Variants in TENM4 observed in about 807,000 individuals in gnomAD.
The protein encoded by TENM4 is teneurin transmembrane protein 4, also known as teneurin-4.
TENM4 carries 82 observed loss-of-function variants against 243.3 expected under a neutral mutation model. The observed-to-expected ratio is 0.34, with a 90% CI of 0.28 to 0.40. TENM4 has a LOEUF of 0.40. Ranked by LOEUF, TENM4 falls within the 10% of genes least tolerant of loss-of-function variation. TENM4 has a pLI of 1.00. For synonymous variants in TENM4, 1,412 were observed against 1,456.3 expected, an observed-to-expected ratio of 0.97 and a Z score of 0.69; for missense variants, 3,138 against 3,673.3, an observed-to-expected ratio of 0.85 and a Z score of 3.77.
rs181604156 is a variant in TENM4 at position 78,977,882 on chromosome 11, C to T, written c.494-74359G>A. 3.2e-3 allele frequency among the ~76,000 whole-genome samples: 480 copies of T among 152,288 alleles called. 1 individual carries two copies. Among genetic ancestry groups the T allele is most frequent in the Non-Finnish European group, 4.8e-3 (325 of 68,028 alleles). On this transcript the variant is annotated intron_variant, in intron 6 of 33. Transcript: ENST00000278550. Reference sequence around the variant, plus strand: ...TATACCCAAAGGATTATAAATCATTCTACTATAAAGACACATGCATACATA... The same window carrying T: ...TATACCCAAAGGATTATAAATCATTTTACTATAAAGACACATGCATACATA...
At chr11:78,701,341 C>T (rs944462525) in intron 28 of TENM4, among the ~76,000 whole-genome samples, 185 bp downstream of exon 28, 4 of 152,176 alleles carry the variant, frequency 2.6e-5, no homozygotes, top group Non-Finnish European at 5.9e-5. Context: ...AAAGCTTATG[C>T]CTTCTCCACT....
intron 2 of TENM4, among the ~76,000 whole-genome samples, chr11:79,292,495 A>G (rs1856373567): frequency 6.6e-6 from 1 of 152,192 alleles, no homozygotes; most frequent in African/African-American, 2.4e-5. Context: ...TCTTTCATAC[A>G]TAACTACAGC....
chr11:78,739,344 A>G (rs1250484487), intron 19 of TENM4, among the ~76,000 whole-genome samples: 1 of 152,162 alleles, frequency 6.6e-6, no homozygotes, highest in Non-Finnish European at 1.5e-5. Context: ...TCACCCTTGA[A>G]GAGCCAACTA....
intron 18 of TENM4, among the ~76,000 whole-genome samples, chr11:78,769,227 G>A (rs1856600821): frequency 6.6e-6 from 1 of 152,166 alleles, no homozygotes; most frequent in African/African-American, 2.4e-5. Context: ...GATAATGTAG[G>A]CTGACATCTC....
At position 78,738,511 on chromosome 11, in the gene TENM4, A is replaced by C; in HGVS notation, c.2816T>G (p.Val939Gly). The C allele has an allele frequency of 6.2e-7, 1 of 1,613,946 alleles. No homozygotes were observed. Among genetic ancestry groups the C allele is most frequent in the Non-Finnish European group, 8.5e-7 (1 of 1,179,844 alleles). ...AGGGTTATTGACAAAACTGATGTTC[A>C]CACCAACCAGGGGGGTTCCATCTGA... Reference protein sequence around the residue: ...MTSDGTPLVGVNISFVNNPLF... With the variant: ...MTSDGTPLVGGNISFVNNPLF... The change falls in exon 20 of 34, where the codon GTG becomes GGG. Residue 939 changes from valine (V) to glycine (G), a missense_variant. Physicochemically the swap from Val to Gly is moderately radical, Grantham distance 109. Coordinates refer to ENST00000278550, the MANE Select transcript of TENM4 (RefSeq NM_001098816.3).
At chr11:79,140,122 A>G (rs1862258621) in intron 4 of TENM4, among the ~76,000 whole-genome samples, 1 of 151,616 alleles carries the variant, frequency 6.6e-6, no homozygotes, top group African/African-American at 2.4e-5. Context: ...CTCTCCCTAT[A>G]TGCCTCCTCA....
chr11:79,190,836 TCTCCCTCTCCCG>T (rs1863467250), intron 3 of TENM4, among the ~76,000 whole-genome samples: 1 of 46,902 alleles, frequency 2.1e-5, no homozygotes, highest in Non-Finnish European at 3.6e-5. Flanking sequence ...CCCTTCTCCC[TCTCCCTCTCCCG>T]TCTCCCTCTC....
At chr11:79,352,364 G>A (rs1032847617) in intron 1 of TENM4, among the ~76,000 whole-genome samples, 9 of 152,172 alleles carry the variant, frequency 5.9e-5, no homozygotes, top group Admixed American at 2.6e-4. Context: ...GACCACAACC[G>A]TCTAGAGCCA....
chr11:79,043,408 A>G (rs555120771), intron 6 of TENM4, among the ~76,000 whole-genome samples: 1 of 152,246 alleles, frequency 6.6e-6, no homozygotes, highest in African/African-American at 2.4e-5. Context: ...GAAGCAGCCA[A>G]AAAGGCTATT....
At chr11:79,066,736 G>GCACACGCACA (rs1226712246) in intron 5 of TENM4, among the ~76,000 whole-genome samples, 13 of 146,502 alleles carry the variant, frequency 8.9e-5, no homozygotes, top group Non-Finnish European at 1.2e-4. Context: ...ACACGCGCAC[G>GCACACGCACA]CACATGCACA....
At chr11:78,766,515 C>A (rs1391507250) in intron 18 of TENM4, among the ~76,000 whole-genome samples, 1 of 152,142 alleles carries the variant, frequency 6.6e-6, no homozygotes, top group Non-Finnish European at 1.5e-5. Flanking sequence ...AGTTAGGGCC[C>A]CTCTGCTTGT....
chr11:78,854,628 G>T (rs1189548921), intron 11 of TENM4, among the ~76,000 whole-genome samples: 1 of 152,090 alleles, frequency 6.6e-6, no homozygotes, highest in East Asian at 1.9e-4. Flanking sequence ...GGACAACCAT[G>T]CTTTTTTGCA....
chr11:79,124,562 G>A (rs1175405132), intron 4 of TENM4, among the ~76,000 whole-genome samples: 1 of 151,472 alleles, frequency 6.6e-6, no homozygotes, highest in African/African-American at 2.4e-5. Flanking sequence ...GTGACAGTGT[G>A]AGTTAATACT....
intron 4 of TENM4, among the ~76,000 whole-genome samples, chr11:79,081,995 A>G (rs749105010): frequency 4.6e-5 from 7 of 152,028 alleles, no homozygotes; most frequent in Non-Finnish European, 1.5e-5. Context: ...CTGTGCCTCA[A>G]TTTCATCATC....
At chr11:79,337,274 A>G (rs1272073515) in intron 1 of TENM4, among the ~76,000 whole-genome samples, 1 of 152,118 alleles carries the variant, frequency 6.6e-6, no homozygotes, top group Admixed American at 6.5e-5. Flanking sequence ...GACTGGGAGG[A>G]GCAGATGTTT....
At chr11:79,024,016 T>C (rs2136819230) in intron 6 of TENM4, among the ~76,000 whole-genome samples, 1 of 152,366 alleles carries the variant, frequency 6.6e-6, no homozygotes, top group East Asian at 1.9e-4. Flanking sequence ...GTCATTCAGT[T>C]AGAAAGTAGG....
At chr11:78,697,418 A>T (rs1189426901) in intron 28 of TENM4, among the ~76,000 whole-genome samples, 1 of 152,110 alleles carries the variant, frequency 6.6e-6, no homozygotes, top group Non-Finnish European at 1.5e-5. Context: ...TATTTTCATG[A>T]TAAGGTTGGG....
chr11:79,207,753 C>A (rs192813471), intron 3 of TENM4, among the ~76,000 whole-genome samples: 6 of 150,984 alleles, frequency 4.0e-5, no homozygotes, highest in Non-Finnish European at 7.4e-5. Flanking sequence ...GTAGTCCCAG[C>A]TACTCAGGAG....
chr11:78,847,412 T>A (rs894589817), intron 12 of TENM4, among the ~76,000 whole-genome samples: 2 of 152,156 alleles, frequency 1.3e-5, no homozygotes, highest in Non-Finnish European at 2.9e-5. Flanking sequence ...GCCCTGCCCT[T>A]CAGTGAGCAG....
Sources: allele counts gnomAD v4.1 joint callset (sites outside exome capture counted in the v4.1 genomes callset), GRCh38; gene constraint gnomAD v4.1.1; transcripts MANE v1.5; gene names NCBI Gene and HGNC (gene_info 2026-07-23, HGNC 2026-07-21).